The following CFAP47 variants were observed in gnomAD, a reference collection of about 807,000 sequenced individuals.
CFAP47 encodes the protein cilia- and flagella-associated protein 47.
In CFAP47, 29 loss-of-function variants were observed where a neutral mutation model predicts 148.1. That is an observed-to-expected ratio of 0.20 (90% CI 0.15 to 0.27). The LOEUF (loss-of-function observed/expected upper bound fraction) is 0.27, where lower values mean the gene tolerates loss of function less well. Among genes scored for constraint, CFAP47 ranks in the 10% least tolerant of loss-of-function variants. The pLI is 1.00. For synonymous variants in CFAP47, 664 were observed against 577.3 expected (o/e 1.15, Z -2.15); for missense variants, 1,872 against 1,697.5 (o/e 1.10, Z -1.81).
intron 37 of CFAP47, among the ~76,000 whole-genome samples, chrX:36,158,660 G>T (rs763125045): frequency 8.9e-6 from 1 of 112,174 alleles, no homozygotes; most frequent in East Asian, 2.8e-4. Context: ...TCTGGTGACA[G>T]TCTCTCAGGG....
chrX:36,062,552 A>G (rs1471162975), intron 26 of CFAP47, among the ~76,000 whole-genome samples: 1 of 111,690 alleles, frequency 9.0e-6, no homozygotes, highest in Non-Finnish European at 1.9e-5. Flanking sequence ...TGGTCATCAT[A>G]CCATTCAATA....
intron 2 of CFAP47, among the ~76,000 whole-genome samples, chrX:35,929,548 TG>T (rs1174763488): frequency 1.8e-5 from 2 of 112,271 alleles, no homozygotes; most frequent in Non-Finnish European, 3.8e-5. Context: ...GGTTTTTGTA[TG>T]TTTTTTTAGA....
intron 40 of CFAP47, among the ~76,000 whole-genome samples, chrX:36,181,789 C>T: frequency 8.9e-6 from 1 of 111,898 alleles, no homozygotes; most frequent in Non-Finnish European, 1.9e-5. Flanking sequence ...CCTGTGAAGA[C>T]TGTCTCCTAA....
chrX:36,341,104 C>T (rs1331223547), intron 57 of CFAP47, among the ~76,000 whole-genome samples: 3 of 103,817 alleles, frequency 2.9e-5, no homozygotes, highest in Non-Finnish European at 5.9e-5. Flanking sequence ...GGTGCGATCT[C>T]GGCTCACTGC....
At chrX:36,359,246 T>G (rs782336828) in intron 60 of CFAP47, among the ~76,000 whole-genome samples, 1 of 111,702 alleles carries the variant, frequency 9.0e-6, no homozygotes, top group African/African-American at 3.2e-5. Flanking sequence ...AGGTAAAAAT[T>G]TATAGGTCTT....
At chrX:36,016,863 T>C (rs1937102655) in intron 22 of CFAP47, among the ~76,000 whole-genome samples, 1 of 110,127 alleles carries the variant, frequency 9.1e-6, no homozygotes, top group African/African-American at 3.3e-5. Context: ...CAAAAGCCAT[T>C]TTAACTGAGG....
rs760317841 is a variant in CFAP47, at chrX:35,967,643, C to T, written c.1625C>T (p.Pro542Leu). The change falls in exon 10 of 64, where the codon CCC becomes CTC. Residue 542 changes from proline (P) to leucine (L), a missense_variant. Coordinates refer to ENST00000378653, the MANE Select transcript of CFAP47 (RefSeq NM_001304548.2). ...GGTATATTGCCTTCGATCCGTAATCCCACGGGAAAGTTTGTGGTCAAAGAC... is the reference window on the plus strand; with the variant it reads ...GGTATATTGCCTTCGATCCGTAATCTCACGGGAAAGTTTGTGGTCAAAGAC... ...DPGILPSIRN[P>L]TGKFVVKDLA... The T allele has an allele frequency of 2.7e-5, 33 of 1,205,080 alleles. No individual in the cohort carries two copies. In the Admixed American group the frequency reaches 5.3e-4, roughly 19 times the overall value.
chrX:36,205,170 T>G (rs1426237644), intron 45 of CFAP47, 60 bp downstream of exon 45: 7 of 292,428 alleles, frequency 2.4e-5, no homozygotes, highest in Non-Finnish European at 3.6e-5. Flanking sequence ...TGTATTCACT[T>G]CACAGTTGAG....
At chrX:36,270,678 G>A (rs1267898399) in intron 49 of CFAP47, among the ~76,000 whole-genome samples, 1 of 102,021 alleles carries the variant, frequency 9.8e-6, no homozygotes, top group Non-Finnish European at 2.0e-5. Context: ...TACATATTCT[G>A]GACACAAATC....
chrX:35,925,983 A>G lies in CFAP47; in HGVS notation c.250-34A>G, dbSNP rs57163965. ...GTATTTTTTTTTTATAAGGAGTTAA[A>G]ATGTATAATTTGACTCTCTTTCTCC... On this transcript the variant is annotated intron_variant, in intron 1 of 63. Transcript: ENST00000378653. 8,643 of 1,147,006 alleles carry G rather than the reference A, an allele frequency of 7.5e-3. 412 individuals are homozygous for G. In the African/African-American group the frequency reaches 0.14, roughly 18 times the overall value. 94.5% of individuals were successfully genotyped at this position (1,147,006 alleles called of 1,213,427 possible). A position where few individuals can be genotyped will look rare whatever the true frequency, so the allele number is the denominator to read the frequency against.
chrX:36,314,207 G>A (rs1308880971), intron 56 of CFAP47, among the ~76,000 whole-genome samples: 1 of 111,261 alleles, frequency 9.0e-6, no homozygotes, highest in Non-Finnish European at 1.9e-5. Flanking sequence ...TGCCTTCTTG[G>A]AAAAAGTAGT....
At chrX:36,328,689 A>G (rs1278917116) in intron 57 of CFAP47, among the ~76,000 whole-genome samples, 1 of 107,539 alleles carries the variant, frequency 9.3e-6, no homozygotes, top group African/African-American at 3.4e-5. Context: ...GGGCGCCTGT[A>G]GTCCCAGCTA....
chrX:36,211,467 GT>G, intron 45 of CFAP47: 1 of 279,987 alleles, frequency 3.6e-6, no homozygotes, highest in South Asian at 4.4e-5. Flanking sequence ...AGAACATCCT[GT>G]CCAGTCCACT....
At chrX:36,005,183 T>G (rs906565442) in intron 21 of CFAP47, among the ~76,000 whole-genome samples, 2 of 111,496 alleles carry the variant, frequency 1.8e-5, no homozygotes, top group Admixed American at 9.6e-5. Flanking sequence ...TATTTTTGAT[T>G]CTTTATTTCA....
At chrX:36,216,188 G>A (rs782079069) in intron 45 of CFAP47, among the ~76,000 whole-genome samples, 74 of 112,419 alleles carry the variant, frequency 6.6e-4, no homozygotes, top group African/African-American at 2.3e-3. Context: ...TGCGGGCAGA[G>A]CCCCGCAGCT....
At chrX:35,931,214 A>G (rs1348692332) in intron 2 of CFAP47, among the ~76,000 whole-genome samples, 1 of 111,185 alleles carries the variant, frequency 9.0e-6, no homozygotes, top group East Asian at 2.8e-4. Context: ...CAGGTTTATT[A>G]TGGACATATT....
intron 57 of CFAP47, among the ~76,000 whole-genome samples, chrX:36,330,684 G>A (rs1941557182): frequency 8.9e-6 from 1 of 111,983 alleles, no homozygotes; most frequent in East Asian, 2.8e-4. Context: ...TAAGGCACAA[G>A]CCAGCTCTCT....
intron 42 of CFAP47, among the ~76,000 whole-genome samples, chrX:36,192,196 T>C (rs781888996): frequency 2.7e-5 from 3 of 111,765 alleles, no homozygotes; most frequent in Non-Finnish European, 5.6e-5. Flanking sequence ...TTTACAAATC[T>C]TACATTAGTG....
intron 33 of CFAP47, among the ~76,000 whole-genome samples, chrX:36,128,608 T>G (rs1004222148): frequency 4.3e-4 from 48 of 110,812 alleles, no homozygotes; most frequent in Middle Eastern, 4.7e-3. Flanking sequence ...TGTATAATCT[T>G]AAACAGAGCA....
Sources: gnomAD v4.1 joint callset for allele counts (sites outside exome capture counted in the v4.1 genomes callset) on GRCh38, gnomAD v4.1.1 for gene constraint, MANE v1.5 for transcripts, NCBI Gene and HGNC (gene_info 2026-07-23, HGNC 2026-07-21) for gene names.